ARHGAP8: variants seen among roughly 807,000 people sequenced by gnomAD.
ARHGAP8 encodes the protein rho GTPase-activating protein 8.
ARHGAP8 carries 62 observed loss-of-function variants against 46.1 expected under a neutral mutation model. The ratio of observed to expected loss-of-function variants is 1.34; its 90% CI spans 1.10 to 1.66. ARHGAP8 has a LOEUF of 1.66. ARHGAP8 is among the 40% of genes most tolerant of loss of function. The pLI is 0.00. For synonymous variants in ARHGAP8, 375 were observed against 243.1 expected, an observed-to-expected ratio of 1.54 and a Z score of -5.05; for missense variants, 923 against 568.4, an observed-to-expected ratio of 1.62 and a Z score of -6.34.
At chr22:44,783,763 C>T (rs531561263) in intron 1 of ARHGAP8, among the ~76,000 whole-genome samples, 11 of 152,286 alleles carry the variant, frequency 7.2e-5, no homozygotes, top group South Asian at 6.2e-4. Flanking sequence ...AAGGCGTTGG[C>T]GGCCGGCTGT....
chr22:44,777,068 AC>A (rs745829067), intron 1 of ARHGAP8: 1 of 151,664 alleles, frequency 6.6e-6, no homozygotes, highest in Non-Finnish European at 1.5e-5. Context: ...CTTCTCAGGC[AC>A]TCCTCTGCTC....
intron 10 of ARHGAP8, among the ~76,000 whole-genome samples, chr22:44,852,036 C>G (rs1019269774): frequency 6.6e-6 from 1 of 151,396 alleles, no homozygotes; most frequent in African/African-American, 2.4e-5. Context: ...ACTAAAAATA[C>G]AAAAATTAGC....
In ARHGAP8 at chr22:44,821,056, AATAAC is replaced by A. The variant is rs553506294; in HGVS notation, c.387-1310_387-1306del. 3.9e-4 allele frequency among the ~76,000 whole-genome samples: 59 copies of A among 152,384 alleles called. No homozygotes were observed. In the South Asian group the frequency reaches 0.011, roughly 29 times the overall value. The stretch of plus-strand genomic sequence containing the variant: ...TTTCAAGACTTTCAAATTGTCATAA[AATAAC>A]ATAAAATATCTTCGGTTTGGCTGAA... On this transcript the variant is annotated intron_variant, in intron 5 of 11. Transcript: ENST00000356099.
At chr22:44,754,944 A>G (rs1924551073) in intron 1 of ARHGAP8, among the ~76,000 whole-genome samples, 1 of 152,124 alleles carries the variant, frequency 6.6e-6, no homozygotes, top group African/African-American at 2.4e-5. Flanking sequence ...GAGATGGAGA[A>G]GGAGTCAGCA....
At chr22:44,779,381 A>G (rs1479057293) in intron 1 of ARHGAP8, among the ~76,000 whole-genome samples, 1 of 151,528 alleles carries the variant, frequency 6.6e-6, no homozygotes, top group Non-Finnish European at 1.5e-5. Flanking sequence ...GATTGCAAGC[A>G]TGAGCTACTG....
chr22:44,796,599 G>C (rs1928103894), intron 2 of ARHGAP8, among the ~76,000 whole-genome samples: 1 of 152,022 alleles, frequency 6.6e-6, no homozygotes, highest in Non-Finnish European at 1.5e-5. Context: ...TGGATTTCCA[G>C]AGGTTCCGTT....
intron 5 of ARHGAP8, among the ~76,000 whole-genome samples, chr22:44,817,578 C>CG (rs1411851904): frequency 2.0e-5 from 3 of 151,706 alleles, no homozygotes; most frequent in Non-Finnish European, 2.9e-5. Context: ...CTGAGGCTAG[C>CG]GGATCACCTG....
intron 11 of ARHGAP8, among the ~76,000 whole-genome samples, chr22:44,860,373 C>A (rs1036471588): frequency 6.6e-6 from 1 of 152,116 alleles, no homozygotes; most frequent in Non-Finnish European, 1.5e-5. Context: ...GGTTCCCCTT[C>A]CTGGCCTCTC....
chr22:44,754,504 C>T (rs968864033), intron 1 of ARHGAP8, among the ~76,000 whole-genome samples: 5 of 151,976 alleles, frequency 3.3e-5, no homozygotes, highest in African/African-American at 1.2e-4. Context: ...TACAGGCGCC[C>T]ACCACCACAC....
chr22:44,820,932 C>T (rs1216924107), intron 5 of ARHGAP8, among the ~76,000 whole-genome samples: 1 of 152,198 alleles, frequency 6.6e-6, no homozygotes, highest in Non-Finnish European at 1.5e-5. Context: ...TTTGGATTCT[C>T]CTACCTGTCA....
intron 1 of ARHGAP8, among the ~76,000 whole-genome samples, chr22:44,759,652 G>C (rs1037891229): frequency 6.6e-6 from 1 of 152,190 alleles, no homozygotes; most frequent in South Asian, 2.1e-4. Flanking sequence ...CAGTGGTTCT[G>C]TCTTGAGAAA....
At chr22:44,856,523 C>G (rs1569183262) in intron 10 of ARHGAP8, among the ~76,000 whole-genome samples, 1 of 152,112 alleles carries the variant, frequency 6.6e-6, no homozygotes, top group Non-Finnish European at 1.5e-5. Context: ...ATCCATCCGT[C>G]TCGGCCTTCC....
At chr22:44,861,070 C>G (rs111822296) in intron 11 of ARHGAP8, among the ~76,000 whole-genome samples, 38 of 152,314 alleles carry the variant, frequency 2.5e-4, no homozygotes, top group African/African-American at 9.1e-4. Flanking sequence ...CTGGTGCAAT[C>G]TCAGCTCACT....
At chr22:44,855,625 GTT>G (rs1202632085) in intron 10 of ARHGAP8, among the ~76,000 whole-genome samples, 3 of 151,878 alleles carry the variant, frequency 2.0e-5, no homozygotes, top group African/African-American at 4.8e-5. Flanking sequence ...TTTTTGTTTT[GTT>G]TTGTTTTGTT....
At chr22:44,857,321 C>T (rs541023244) in intron 10 of ARHGAP8, among the ~76,000 whole-genome samples, 13 of 152,258 alleles carry the variant, frequency 8.5e-5, no homozygotes, top group African/African-American at 2.6e-4. Flanking sequence ...TGAGGTGTTC[C>T]AGCCAAGGGT....
At chr22:44,788,239 C>T (rs182434263) in intron 2 of ARHGAP8, among the ~76,000 whole-genome samples, 67 of 152,156 alleles carry the variant, frequency 4.4e-4, no homozygotes, top group African/African-American at 1.4e-3. Context: ...CTGTCTCAGC[C>T]TCCCAAGTAG....
Position 44,786,594 on chromosome 22 carries a change from C to CT in ARHGAP8, c.68dup (p.Gln24AlafsTer6). On this transcript the variant is annotated frameshift_variant, in exon 2 of 12. Transcript: ENST00000356099. LOFTEE classifies it high-confidence loss of function. ...CTACGACGTGGCCAGACATGGCATT[C>CT]TGCAGGTGGCAGGTAGGGCCCCAGC... is the stretch of plus-strand genomic sequence containing the variant. 6.2e-7 allele frequency: 1 copy of CT among 1,613,302 alleles called. No homozygotes were observed.
At chr22:44,859,901 G>A (rs1193657186) in intron 11 of ARHGAP8, 67 bp downstream of exon 11, 3 of 1,548,280 alleles carry the variant, frequency 1.9e-6, no homozygotes, top group South Asian at 1.2e-5. Flanking sequence ...GGGCCCGCAT[G>A]GACCAGTCCC....
intron 4 of ARHGAP8, among the ~76,000 whole-genome samples, chr22:44,814,457 T>G (rs1174552479): frequency 6.6e-6 from 1 of 152,192 alleles, no homozygotes; most frequent in Admixed American, 6.5e-5. Context: ...CTCGGCGAAC[T>G]AAAGCGCTGC....
Sources: gnomAD v4.1 joint callset for allele counts (sites outside exome capture counted in the v4.1 genomes callset) on GRCh38, gnomAD v4.1.1 for gene constraint, MANE v1.5 for transcripts, NCBI Gene and HGNC (gene_info 2026-07-23, HGNC 2026-07-21) for gene names.